Variants in PIEZO1 observed in about 807,000 individuals in gnomAD.
The protein encoded by PIEZO1 is piezo-type mechanosensitive ion channel component 1.
In PIEZO1, 296 loss-of-function variants were observed where a neutral mutation model predicts 297.2. The ratio of observed to expected loss-of-function variants is 1.00; its 90% CI spans 0.91 to 1.10. The LOEUF (loss-of-function observed/expected upper bound fraction) is 1.10. PIEZO1 is among the 50% of genes least tolerant of loss of function. The probability of loss-of-function intolerance (pLI) is 0.00; values close to 1 mark genes in which losing one functional copy is unlikely to be tolerated. For missense variants in PIEZO1, 5,018 were observed against 3,455.5 expected (o/e 1.45, Z -11.34); for synonymous variants, 2,427 against 1,507.5 (o/e 1.61, Z -14.13).
chr16:88,758,689 A>T (rs1906787793), intron 1 of PIEZO1, among the ~76,000 whole-genome samples: 1 of 152,178 alleles, frequency 6.6e-6, no homozygotes, highest in Non-Finnish European at 1.5e-5. Flanking sequence ...CTGCAGAATG[A>T]CACCACTGGG....
At chr16:88,751,944 G>A (rs377110113) in intron 1 of PIEZO1, among the ~76,000 whole-genome samples, 4 of 152,196 alleles carry the variant, frequency 2.6e-5, no homozygotes. Context: ...GGTTGGGTTC[G>A]AAGCCCGTGG....
At chr16:88,759,933 C>T (rs1032506581) in intron 1 of PIEZO1, among the ~76,000 whole-genome samples, 4 of 152,144 alleles carry the variant, frequency 2.6e-5, no homozygotes, top group South Asian at 2.1e-4. Flanking sequence ...AGGCCGAGCC[C>T]GGCCAGGCCC....
chr16:88,719,511 T>C, intron 44 of PIEZO1, 63 bp downstream of exon 44: 2 of 1,465,364 alleles, frequency 1.4e-6, no homozygotes, highest in South Asian at 1.2e-5. Context: ...CAGCAGTGCC[T>C]CTGTCTTAGG....
In PIEZO1 at chr16:88,735,257, C is replaced by T. The variant is rs987849055; in HGVS notation, c.1558-11G>A. ...CAGGGTGTAGAGCAACTGTGACAAGCGCAGGGTGTCACAGTCAGCCGGGGG... is the reference window on the plus strand; with the variant it reads ...CAGGGTGTAGAGCAACTGTGACAAGTGCAGGGTGTCACAGTCAGCCGGGGG... On this transcript the variant is annotated splice_polypyrimidine_tract_variant and intron_variant, in intron 12 of 50. Coordinates refer to ENST00000301015, the MANE Select transcript of PIEZO1 (RefSeq NM_001142864.4). 12 of 1,537,858 alleles carry T rather than the reference C, an allele frequency of 7.8e-6. No homozygotes were observed. In the East Asian group the frequency reaches 1.2e-4, roughly 16 times the overall value.
At chr16:88,770,927 T>C (rs1416924655) in intron 1 of PIEZO1, among the ~76,000 whole-genome samples, 2 of 152,120 alleles carry the variant, frequency 1.3e-5, no homozygotes, top group African/African-American at 4.8e-5. Context: ...TGGGCGGCAC[T>C]GGAGAGACTC....
Position 88,725,461 on chromosome 16 carries a change from G to A in PIEZO1, c.4117C>T (p.Arg1373Cys), listed in dbSNP as rs980052704. The change falls in exon 29 of 51, where the codon CGC (arginine) becomes TGC (cysteine). Residue 1373 changes from arginine (R) to cysteine (C), a missense_variant. Arg to Cys is a radical substitution (Grantham distance 180). Coordinates refer to ENST00000301015, the MANE Select transcript of PIEZO1 (RefSeq NM_001142864.4). Reference sequence around the variant, plus strand: ...TTGGGGCCCAGGGTGTCCTGGGGGCGACTGCGGTCCACCCGGCCCTGCCTG... The same window carrying A: ...TTGGGGCCCAGGGTGTCCTGGGGGCAACTGCGGTCCACCCGGCCCTGCCTG... Reference protein sequence around the residue: ...KHRQGRVDRSRPQDTLGPKDP... With the variant: ...KHRQGRVDRSCPQDTLGPKDP... The A allele has an allele frequency of 1.9e-5, 29 of 1,505,768 alleles. No individual in the cohort carries two copies. The highest frequency in any genetic ancestry group is 2.2e-5 in the Non-Finnish European group (25 of 1,123,480). The allele number at this position is 1,505,768 out of a possible 1,614,324, so 93.3% of individuals were successfully genotyped here.
In PIEZO1 at chr16:88,716,380, C is replaced by G; in HGVS notation, c.7030G>C (p.Gly2344Arg). The change falls in exon 48 of 51, where the codon GGC becomes CGC. Residue 2344 changes from glycine (G) to arginine (R), a missense_variant. Transcript: ENST00000301015. Reference protein sequence around the residue: ...ARRQLASLLEGTSDQSVVIPN... With the variant: ...ARRQLASLLERTSDQSVVIPN... ...ACTCACACAGACTGGTCCGAGGTGC[C>G]CTCGAGCAGGCTGGCCAGCTGCCGC... The G allele has an allele frequency of 6.5e-7, 1 of 1,545,138 alleles. No homozygotes were observed. Among genetic ancestry groups the G allele is most frequent in the Non-Finnish European group, 8.7e-7 (1 of 1,143,852 alleles).
At position 88,727,224 on chromosome 16, in the gene PIEZO1, A is replaced by G. The variant is rs61649074; in HGVS notation, c.3302-32T>C. Reference sequence around the variant, plus strand: ...GACACAGGAGCCGCCGCTGTGCCACACGGGGACCCACACGAGGTGGGCACG... The same window carrying G: ...GACACAGGAGCCGCCGCTGTGCCACGCGGGGACCCACACGAGGTGGGCACG... On this transcript the variant is annotated intron_variant, in intron 23 of 50. Transcript: ENST00000301015. 6.8e-3 allele frequency: 10,215 copies of G among 1,504,458 alleles called. 612 individuals are homozygous for G. The African/African-American group carries it at 0.13, about 19-fold the overall frequency. 93.2% of individuals were successfully genotyped at this position (1,504,458 alleles called of 1,614,324 possible). A position where few individuals can be genotyped will look rare whatever the true frequency, so the allele number is the denominator to read the frequency against.
chr16:88,741,479 A>T lies in PIEZO1; in HGVS notation c.464T>A (p.Leu155Gln). 6.5e-7 allele frequency: 1 copy of T among 1,534,536 alleles called. No homozygotes were observed. Residue 155 changes from leucine to glutamine, a missense_variant and splice_region_variant, in exon 5 of 51, where the codon CTG (leucine) becomes CAG (glutamine). Coordinates refer to ENST00000301015, the MANE Select transcript of PIEZO1 (RefSeq NM_001142864.4). Reference protein sequence around the residue: ...NTRQSPHPRELDDDERDVDAS... With the variant: ...NTRQSPHPREQDDDERDVDAS... ...CACGGGTGACGCAGCTGCCCTCACC[A>T]GCTCCCGTGGATGTGGGCTCTGCCG...
chr16:88,754,154 A>G (rs1156377968), intron 1 of PIEZO1, among the ~76,000 whole-genome samples: 1 of 152,216 alleles, frequency 6.6e-6, no homozygotes, highest in African/African-American at 2.4e-5. Flanking sequence ...TGGGAAGCAG[A>G]GAGCCCAGCC....
intron 1 of PIEZO1, among the ~76,000 whole-genome samples, chr16:88,759,889 T>C (rs2142882809): frequency 6.6e-6 from 1 of 152,198 alleles, no homozygotes; most frequent in East Asian, 1.9e-4. Context: ...GGGGAAGCTG[T>C]GTGGGGAGGG....
rs763058068 is a variant in PIEZO1 at position 88,734,368 on chromosome 16, C to T, written c.2168G>A (p.Arg723His). Residue 723 changes from arginine (R) to histidine (H), a missense_variant, in exon 16 of 51, where the codon CGC becomes CAC. Physicochemically the swap from Arg to His is conservative, Grantham distance 29. Coordinates refer to ENST00000301015, the MANE Select transcript of PIEZO1 (RefSeq NM_001142864.4). ...HVSLPGTRLP[R>H]WAHRQDAVSG... ...GGCGGGGCCGCACCTGTGAGCCCAGCGCGGGAGGCGCGTGCCAGGCAGGGA... is the reference window on the plus strand; with the variant it reads ...GGCGGGGCCGCACCTGTGAGCCCAGTGCGGGAGGCGCGTGCCAGGCAGGGA... The T allele has an allele frequency of 1.1e-5, 17 of 1,536,544 alleles. No individual in the cohort carries two copies. The East Asian group carries it at 1.2e-4, about 11-fold the overall frequency.
chr16:88,720,815 ACCCT>A (rs1912386488), intron 39 of PIEZO1, 67 bp from the exon 40 acceptor site: 1 of 1,420,608 alleles, frequency 7.0e-7, no homozygotes. Context: ...GCTCCTGACC[ACCCT>A]AAGAGGCTGG....
intron 35 of PIEZO1, 36 bp from the exon 36 acceptor site, chr16:88,722,433 C>G: frequency 6.8e-7 from 1 of 1,475,252 alleles, no homozygotes; most frequent in Non-Finnish European, 9.0e-7. Flanking sequence ...GAATCCTGCT[C>G]TATGGCCTGA....
Position 88,757,329 on chromosome 16 carries a change from G to A in PIEZO1, c.65-7850C>T, listed in dbSNP as rs868179464. 9.3e-3 allele frequency among the ~76,000 whole-genome samples: 1,185 copies of A among 126,954 alleles called. 103 individuals carry two copies. The highest frequency in any genetic ancestry group is 0.04 in the African/African-American group (1,092 of 27,064). 83.3% of individuals were successfully genotyped at this position (126,954 alleles called of 152,430 possible). ...AGGGGGCGTTGCTGGCGGGGGGGTG[G>A]GGGGTAGTTACCTAACCTGCCTGCT... On this transcript the variant is annotated intron_variant, in intron 1 of 50. Coordinates refer to ENST00000301015, the MANE Select transcript of PIEZO1 (RefSeq NM_001142864.4).
intron 22 of PIEZO1, among the ~76,000 whole-genome samples, chr16:88,729,188 T>G (rs111474572): frequency 1.3e-4 from 4 of 31,926 alleles, no homozygotes; most frequent in Non-Finnish European, 1.2e-4. Flanking sequence ...CCCAGGACAT[T>G]CTGAACCCAC....
rs146055339 is a variant in PIEZO1, at chr16:88,762,520, AG to A, written c.65-13042del. On this transcript the variant is annotated intron_variant, in intron 1 of 50. Coordinates refer to ENST00000301015, the MANE Select transcript of PIEZO1 (RefSeq NM_001142864.4). ...GGAGAGGATGTGTCTGGGGAGGAGA[AG>A]GGGCTCCCAGCCAAGCGGCCAACCC... Among the ~76,000 whole-genome samples the A allele has an allele frequency of 9.7e-3, 1,481 of 152,264 alleles. 17 individuals carry two copies. The highest frequency in any genetic ancestry group is 0.034 in the African/African-American group (1,402 of 41,548).
In PIEZO1 at chr16:88,734,454, G is replaced by A. The variant is rs1025224511; in HGVS notation, c.2082C>T (p.Cys694=). Residue 694 remains cysteine, a synonymous_variant, in exon 16 of 51, where the codon TGC becomes TGT. Coordinates refer to ENST00000301015, the MANE Select transcript of PIEZO1 (RefSeq NM_001142864.4). ...ILVPGFFLLA[C]ILQLHYFHRP... The stretch of plus-strand genomic sequence containing the variant: ...TGTGGAAGTAGTGCAGCTGCAGGAT[G>A]CAGGCCAGGAGGAAGAAGCCGGGCA... 24 of 1,549,844 alleles carry A rather than the reference G, an allele frequency of 1.5e-5. No homozygotes were observed. Among genetic ancestry groups the A allele is most frequent in the Non-Finnish European group, 2.0e-5 (23 of 1,146,708 alleles).
At chr16:88,762,222 A>C (rs1906964676) in intron 1 of PIEZO1, among the ~76,000 whole-genome samples, 1 of 150,934 alleles carries the variant, frequency 6.6e-6, no homozygotes. Flanking sequence ...CCCAGAGCTC[A>C]GGGGTCTGGG....
Sources: allele counts gnomAD v4.1 joint callset (sites outside exome capture counted in the v4.1 genomes callset), GRCh38; gene constraint gnomAD v4.1.1; transcripts MANE v1.5; gene names NCBI Gene and HGNC (gene_info 2026-07-23, HGNC 2026-07-21).